CEP128: variants seen among roughly 807,000 people sequenced by gnomAD.
CEP128 encodes the protein centrosomal protein 128.
In CEP128, 132 loss-of-function variants were observed where a neutral mutation model predicts 156.7. The ratio of observed to expected loss-of-function variants is 0.84; its 90% CI spans 0.73 to 0.97. The LOEUF (loss-of-function observed/expected upper bound fraction) is 0.97. Among genes scored for constraint, CEP128 ranks in the 50% least tolerant of loss-of-function variants. CEP128 has a pLI of 0.00. For missense variants in CEP128, 1,252 were observed against 1,281.9 expected, an observed-to-expected ratio of 0.98 and a Z score of 0.36; for synonymous variants, 469 against 448.9, an observed-to-expected ratio of 1.04 and a Z score of -0.57.
intron 19 of CEP128, among the ~76,000 whole-genome samples, chr14:80,735,906 T>C (rs1005864019): frequency 2.0e-5 from 3 of 152,138 alleles, no homozygotes; most frequent in Non-Finnish European, 4.4e-5. Flanking sequence ...CTTTCACTTT[T>C]AAGGACCACG....
chr14:80,708,240 G>A (rs1314404565), intron 19 of CEP128, among the ~76,000 whole-genome samples: 3 of 152,194 alleles, frequency 2.0e-5, no homozygotes, highest in Middle Eastern at 3.4e-3. Context: ...TTCCTAAAAG[G>A]GGAATTGAAG....
At chr14:80,560,421 C>A (rs748089583) in intron 20 of CEP128, among the ~76,000 whole-genome samples, 2 of 151,714 alleles carry the variant, frequency 1.3e-5, no homozygotes, top group Non-Finnish European at 2.9e-5. Flanking sequence ...CAAGACTACA[C>A]CTCAAAAAAA....
Position 80,730,768 on chromosome 14 carries a change from G to T in CEP128, c.2806+12307C>A, listed in dbSNP as rs1005766776. On this transcript the variant is annotated intron_variant, in intron 19 of 24. Transcript: ENST00000555265. ...AGAAAGGTATGGTCTTGAGTGACTG[G>T]TTAGAAAGTAGTTATCACTTTCATA... Among the ~76,000 whole-genome samples the T allele has an allele frequency of 3.9e-5, 6 of 152,270 alleles. No homozygotes were observed. In the East Asian group the frequency reaches 1.2e-3, roughly 29 times the overall value.
chr14:80,713,196 T>TA (rs1897476196), intron 19 of CEP128, among the ~76,000 whole-genome samples: 1 of 152,142 alleles, frequency 6.6e-6, no homozygotes, highest in Non-Finnish European at 1.5e-5. Flanking sequence ...ACACCACACT[T>TA]ACTCACTGGA....
At chr14:80,525,498 A>G (rs1486907895) in intron 23 of CEP128, among the ~76,000 whole-genome samples, 4 of 152,226 alleles carry the variant, frequency 2.6e-5, no homozygotes, top group Non-Finnish European at 4.4e-5. Flanking sequence ...AATATGCTCA[A>G]TAATCATTAG....
intron 2 of CEP128, among the ~76,000 whole-genome samples, chr14:80,918,085 G>A (rs1480561122): frequency 6.6e-6 from 1 of 152,078 alleles, no homozygotes; most frequent in Non-Finnish European, 1.5e-5. Context: ...AATTACAAAG[G>A]TATAGTACCC....
chr14:80,827,318 A>G (rs1042580985), intron 13 of CEP128, among the ~76,000 whole-genome samples: 10 of 152,232 alleles, frequency 6.6e-5, no homozygotes, highest in African/African-American at 2.4e-4. Context: ...ACTGTGTGGG[A>G]ACACATAGGG....
At chr14:80,783,860 T>G (rs1005996882) in intron 15 of CEP128, among the ~76,000 whole-genome samples, 1 of 152,138 alleles carries the variant, frequency 6.6e-6, no homozygotes, top group African/African-American at 2.4e-5. Context: ...TGAAATATAG[T>G]AAGGGTCTTT....
intron 21 of CEP128, among the ~76,000 whole-genome samples, chr14:80,544,098 C>A (rs1889880641): frequency 6.6e-6 from 1 of 152,188 alleles, no homozygotes; most frequent in Non-Finnish European, 1.5e-5. Context: ...TCTACGACAT[C>A]ACTATACCAG....
At chr14:80,884,440 A>G (rs549492328) in intron 8 of CEP128, among the ~76,000 whole-genome samples, 2 of 152,324 alleles carry the variant, frequency 1.3e-5, no homozygotes, top group East Asian at 3.9e-4. Context: ...AGAGTTCTTC[A>G]TTTCCAACTG....
chr14:80,502,471 T>C (rs1267026454), intron 24 of CEP128, among the ~76,000 whole-genome samples: 9 of 152,316 alleles, frequency 5.9e-5, no homozygotes, highest in Admixed American at 2.6e-4. Context: ...CCCTCCTGAA[T>C]TGCTTTTCTA....
intron 19 of CEP128, among the ~76,000 whole-genome samples, chr14:80,596,819 C>CAA (rs57402112): frequency 0.23 from 3,186 of 14,064 alleles, 1,184 homozygotes; most frequent in South Asian, 0.31. Context: ...GACACTGTCA[C>CAA]AAAAAAAAAA....
rs142978809 is a variant in CEP128 at position 80,549,143 on chromosome 14, T to A, written c.2880+10136A>T. Among the ~76,000 whole-genome samples, 44 of 152,286 alleles carry A rather than the reference T, an allele frequency of 2.9e-4. 1 individual carries two copies. In the East Asian group the frequency reaches 5.8e-3, roughly 20 times the overall value. ...TTGGGACAAGGTGGAGAAAGGAGAA[T>A]GTCTAGATTGTTTCACCCAAGATCC... On this transcript the variant is annotated intron_variant, in intron 21 of 24. Coordinates refer to ENST00000555265, the MANE Select transcript of CEP128 (RefSeq NM_152446.5).
At chr14:80,951,435 A>C (rs149176954) in intron 2 of CEP128, among the ~76,000 whole-genome samples, 54 of 152,268 alleles carry the variant, frequency 3.5e-4, no homozygotes, top group African/African-American at 1.3e-3. Flanking sequence ...AATTGGTATA[A>C]TATCAACTGA....
chr14:80,758,927 A>ATG (rs1326221998), intron 17 of CEP128, among the ~76,000 whole-genome samples: 1 of 152,214 alleles, frequency 6.6e-6, no homozygotes, highest in Non-Finnish European at 1.5e-5. Flanking sequence ...GAAATTTGCA[A>ATG]TGACTTCCAA....
rs566388089 is a variant in CEP128, at chr14:80,871,346, T to C, written c.646-8473A>G. 2.0e-5 allele frequency among the ~76,000 whole-genome samples: 3 copies of C among 151,904 alleles called. No individual in the cohort carries two copies. In the East Asian group the frequency reaches 5.8e-4, roughly 29 times the overall value. On this transcript the variant is annotated intron_variant, in intron 8 of 24. Coordinates refer to ENST00000555265, the MANE Select transcript of CEP128 (RefSeq NM_152446.5). ...CTGCAGTAAACCCACTGAGAAGAGA[T>C]GGTAGCTTGAAAAGTAGTATTAGAA... is the stretch of plus-strand genomic sequence containing the variant.
At chr14:80,501,630 G>A (rs941632275) in intron 24 of CEP128, among the ~76,000 whole-genome samples, 10 of 151,664 alleles carry the variant, frequency 6.6e-5, no homozygotes, top group African/African-American at 2.2e-4. Context: ...TCAGCCTCCC[G>A]GGTAGCTGGG....
At chr14:80,858,730 G>T (rs1887345150) in intron 9 of CEP128, among the ~76,000 whole-genome samples, 1 of 151,380 alleles carries the variant, frequency 6.6e-6, no homozygotes, top group Non-Finnish European at 1.5e-5. Context: ...TCAAAAAGTG[G>T]GCGAAGGACA....
At chr14:80,817,969 T>C (rs1884961587) in intron 13 of CEP128, among the ~76,000 whole-genome samples, 2 of 151,758 alleles carry the variant, frequency 1.3e-5, no homozygotes, top group South Asian at 2.1e-4. Context: ...TCGATAGATA[T>C]GATGCAATCT....
Sources: allele counts gnomAD v4.1 joint callset (sites outside exome capture counted in the v4.1 genomes callset), GRCh38; gene constraint gnomAD v4.1.1; transcripts MANE v1.5; gene names NCBI Gene and HGNC (gene_info 2026-07-23, HGNC 2026-07-21).